The following TCF7L2 variants were observed in gnomAD, a reference collection of about 807,000 sequenced individuals.
TCF7L2 encodes transcription factor 7-like 2.
In TCF7L2, 23 loss-of-function variants were observed where a neutral mutation model predicts 77.9. The observed-to-expected ratio is 0.30, with a 90% CI of 0.21 to 0.42. The LOEUF (loss-of-function observed/expected upper bound fraction) is 0.42. TCF7L2 is among the 10% of genes least tolerant of loss of function. The pLI is 1.00. For missense variants in TCF7L2, 654 were observed against 793.1 expected (o/e 0.82, Z 2.11); for synonymous variants, 413 against 340.2 (o/e 1.21, Z -2.36).
chr10:113,140,378 C>T (rs1367158606), intron 5 of TCF7L2, among the ~76,000 whole-genome samples: 1 of 152,080 alleles, frequency 6.6e-6, no homozygotes, highest in Non-Finnish European at 1.5e-5. Flanking sequence ...ACTGACCCAC[C>T]CTTCCCAAAC....
chr10:113,144,118 G>GTGTGTGTGTA (rs2068877450), intron 7 of TCF7L2, 93 bp downstream of exon 7: 2 of 922,454 alleles, frequency 2.2e-6, no homozygotes, highest in African/African-American at 3.4e-5. Context: ...GTGTGTGTGT[G>GTGTGTGTGTA]TGTGTGTGTG....
At chr10:113,008,022 C>T (rs1322041740) in intron 4 of TCF7L2, among the ~76,000 whole-genome samples, 1 of 152,182 alleles carries the variant, frequency 6.6e-6, no homozygotes, top group Non-Finnish European at 1.5e-5. Flanking sequence ...GATGAGAGGG[C>T]CTCAGGGCTG....
At chr10:113,113,486 A>G (rs1399898920) in intron 5 of TCF7L2, among the ~76,000 whole-genome samples, 1 of 152,166 alleles carries the variant, frequency 6.6e-6, no homozygotes, top group African/African-American at 2.4e-5. Context: ...CACACTGGCC[A>G]GGTTGATGAC....
chr10:113,144,990 C>G (rs1489767035), intron 7 of TCF7L2, among the ~76,000 whole-genome samples: 5 of 152,092 alleles, frequency 3.3e-5, no homozygotes, highest in Non-Finnish European at 5.9e-5. Context: ...GGAATAAATC[C>G]TGGTAAAACT....
intron 13 of TCF7L2, among the ~76,000 whole-genome samples, chr10:113,161,914 A>G (rs1036386183): frequency 1.3e-5 from 2 of 152,174 alleles, no homozygotes; most frequent in Non-Finnish European, 2.9e-5. Context: ...GGGCGAGTTG[A>G]ACACCCGGCA....
intron 4 of TCF7L2, among the ~76,000 whole-genome samples, chr10:113,000,889 A>G (rs2044341239): frequency 2.0e-5 from 3 of 152,062 alleles, no homozygotes; most frequent in Admixed American, 2.0e-4. Context: ...TTCTCCTCCA[A>G]ACCCCGCTAG....
intron 7 of TCF7L2, 29 bp downstream of exon 7, chr10:113,144,054 T>G (rs900035611): frequency 6.4e-7 from 1 of 1,573,952 alleles, no homozygotes; most frequent in African/African-American, 1.4e-5. Flanking sequence ...TAATTTCCTT[T>G]TTGTTTCTTA....
At position 113,040,078 on chromosome 10, in the gene TCF7L2, T is replaced by C. The variant is rs761893847; in HGVS notation, c.504T>C (p.Ser168=). ...ATGTCCAGGCAGGGAGCCTCCAGAG[T>C]AGACAAGCCCTCAAGGATGCCCGGT... Residue 168 remains serine (S), a synonymous_variant, in exon 5 of 14, where the codon AGT becomes AGC. Transcript: ENST00000627217. 2 of 1,613,880 alleles carry C rather than the reference T, an allele frequency of 1.2e-6. No homozygotes were observed. Among genetic ancestry groups the C allele is most frequent in the Admixed American group, 3.3e-5 (2 of 59,996 alleles).
At chr10:112,955,363 ATCTT>A (rs2134315052) in intron 3 of TCF7L2, among the ~76,000 whole-genome samples, 1 of 152,144 alleles carries the variant, frequency 6.6e-6, no homozygotes, top group East Asian at 1.9e-4. Context: ...TTCCATGCTA[ATCTT>A]TATAGGTTGG....
intron 5 of TCF7L2, among the ~76,000 whole-genome samples, chr10:113,128,391 C>T (rs1055207570): frequency 6.6e-6 from 1 of 152,128 alleles, no homozygotes; most frequent in Admixed American, 6.5e-5. Context: ...GGGTGATTAA[C>T]TTGTCCCGTG....
At chr10:113,031,392 C>T (rs146360839) in intron 4 of TCF7L2, among the ~76,000 whole-genome samples, 94 of 152,030 alleles carry the variant, frequency 6.2e-4, no homozygotes, top group Admixed American at 2.0e-3. Context: ...AGATCCTGGG[C>T]CACTACCAAG....
chr10:112,975,455 G>T (rs986874202), intron 4 of TCF7L2, among the ~76,000 whole-genome samples: 4 of 152,152 alleles, frequency 2.6e-5, no homozygotes, highest in Non-Finnish European at 5.9e-5. Context: ...CCCGTGCATT[G>T]TAGGGTGTTT....
chr10:113,049,576 CCTT>C (rs1427099109), intron 5 of TCF7L2, among the ~76,000 whole-genome samples: 3 of 152,234 alleles, frequency 2.0e-5, no homozygotes, highest in South Asian at 2.1e-4. Flanking sequence ...TTGCTGGTCT[CCTT>C]CTTGCTTCCT....
At chr10:112,955,266 T>C (rs2033230725) in intron 3 of TCF7L2, among the ~76,000 whole-genome samples, 1 of 152,208 alleles carries the variant, frequency 6.6e-6, no homozygotes, top group Non-Finnish European at 1.5e-5. Flanking sequence ...TACCCTTCTT[T>C]GGTATTTATG....
At chr10:113,129,922 G>T in intron 5 of TCF7L2, 1 of 1,294,588 alleles carries the variant, frequency 7.7e-7, no homozygotes, top group Middle Eastern at 2.1e-4. Flanking sequence ...TAAGGGAGGC[G>T]CAGTGGCCTC....
intron 4 of TCF7L2, among the ~76,000 whole-genome samples, chr10:112,981,021 C>A (rs1465806511): frequency 6.6e-6 from 1 of 151,998 alleles, no homozygotes; most frequent in Non-Finnish European, 1.5e-5. Context: ...ACACTTTTTT[C>A]TTGAAAGAGA....
intron 5 of TCF7L2, among the ~76,000 whole-genome samples, chr10:113,066,794 G>A (rs1021200824): frequency 6.6e-6 from 1 of 152,234 alleles, no homozygotes; most frequent in Non-Finnish European, 1.5e-5. Flanking sequence ...TGTTGTTTCT[G>A]ACCATTAAGG....
At chr10:113,028,316 AG>A (rs1191804156) in intron 4 of TCF7L2, among the ~76,000 whole-genome samples, 1 of 152,148 alleles carries the variant, frequency 6.6e-6, no homozygotes, top group African/African-American at 2.4e-5. Flanking sequence ...ACTTGCATGC[AG>A]GGGGGTCGTG....
chr10:113,117,680 G>A (rs184666440), intron 5 of TCF7L2, among the ~76,000 whole-genome samples: 1 of 152,350 alleles, frequency 6.6e-6, no homozygotes, highest in East Asian at 1.9e-4. Context: ...GGAAACGGCG[G>A]TCTGACAGCT....
Sources: gnomAD v4.1 joint callset for allele counts (sites outside exome capture counted in the v4.1 genomes callset) on GRCh38, gnomAD v4.1.1 for gene constraint, MANE v1.5 for transcripts, NCBI Gene and HGNC (gene_info 2026-07-23, HGNC 2026-07-21) for gene names.